The following LPCAT4 variants were observed in gnomAD, a reference collection of about 807,000 sequenced individuals.
LPCAT4 encodes lysophosphatidylcholine acyltransferase 4.
Under a neutral mutation model 66.5 loss-of-function variants are expected in LPCAT4, and 30 were observed. The ratio of observed to expected loss-of-function variants is 0.45; its 90% CI spans 0.34 to 0.61. The LOEUF is 0.61. LPCAT4 is among the 20% of genes least tolerant of loss of function. LPCAT4 has a pLI of 0.01. For missense variants in LPCAT4, 557 were observed against 656.7 expected (o/e 0.85, Z 1.66); for synonymous variants, 253 against 262.1 (o/e 0.97, Z 0.34).
intron 12 of LPCAT4, 152 bp downstream of exon 12, chr15:34,359,959 C>T (rs369683763): frequency 6.6e-5 from 53 of 803,784 alleles, no homozygotes; most frequent in African/African-American, 1.0e-4. Context: ...ACATAGAGGC[C>T]GGGGGTCTGC....
At chr15:34,366,862 C>A (rs1368832666) in intron 1 of LPCAT4, 125 bp downstream of exon 1, 4 of 1,448,234 alleles carry the variant, frequency 2.8e-6, no homozygotes, top group Non-Finnish European at 3.7e-6. Flanking sequence ...CCCCCGGACT[C>A]CCGCTCCGCA....
intron 3 of LPCAT4, 30 bp downstream of exon 3, chr15:34,364,978 C>T (rs759953475): frequency 2.5e-6 from 4 of 1,576,088 alleles, no homozygotes; most frequent in East Asian, 4.5e-5. Context: ...AGTTGTCACC[C>T]TGCCCTTCAC....
chr15:34,365,504 C>T, intron 2 of LPCAT4, 55 bp downstream of exon 2: 1 of 1,607,624 alleles, frequency 6.2e-7, no homozygotes, highest in Non-Finnish European at 8.5e-7. Context: ...AAGAGGGAGC[C>T]GAATAGACAG....
intron 10 of LPCAT4, 65 bp from the exon 11 acceptor site, chr15:34,361,597 A>G: frequency 1.3e-6 from 2 of 1,597,376 alleles, no homozygotes; most frequent in South Asian, 1.1e-5. Context: ...CATCAGCAGG[A>G]CTTCAGCCCC....
At chr15:34,365,508 T>C (rs959498201) in intron 2 of LPCAT4, 51 bp downstream of exon 2, 2 of 1,610,354 alleles carry the variant, frequency 1.2e-6, no homozygotes, top group Non-Finnish European at 1.7e-6. Context: ...GGGAGCCGAA[T>C]AGACAGCAGG....
chr15:34,361,540 G>A lies in LPCAT4; in HGVS notation c.1011-8C>T, dbSNP rs1595618820. On this transcript the variant is annotated splice_polypyrimidine_tract_variant and splice_region_variant and intron_variant, in intron 10 of 13. Transcript: ENST00000314891. ...ACATAGCCAGCGGACAGCCTACGATGGAATTGTTGAAGGCAGAGAGCTGTC... is the reference window on the plus strand; with the variant it reads ...ACATAGCCAGCGGACAGCCTACGATAGAATTGTTGAAGGCAGAGAGCTGTC... 2 of 1,613,000 alleles carry A rather than the reference G, an allele frequency of 1.2e-6. No individual in the cohort carries two copies. The highest frequency in any genetic ancestry group is 1.7e-6 in the Non-Finnish European group (2 of 1,179,982).
At position 34,359,209 on chromosome 15, in the gene LPCAT4, T is replaced by A; in HGVS notation, c.1493A>T (p.Gln498Leu). The change falls in exon 14 of 14, where the codon CAG becomes CTG. Residue 498 changes from glutamine to leucine, a missense_variant. By Grantham distance (113) the Gln-to-Leu change is moderately radical. Around this residue, in one of 4 missense-constraint regions of LPCAT4, gnomAD observed 392 missense variants for 473.9 expected, o/e 0.83. Transcript: ENST00000314891. ...RPPHTSRGTSQTPNASSPGNP... is the reference protein window; with the variant it reads ...RPPHTSRGTSLTPNASSPGNP... ...GCCTGGGGATGAGGCATTTGGTGTC[T>A]GGGAGGTGCCTCGAGAGGTGTGTGG... 1 of 1,600,154 alleles carries A rather than the reference T, an allele frequency of 6.2e-7. No individual in the cohort carries two copies. The highest frequency in any genetic ancestry group is 8.5e-7 in the Non-Finnish European group (1 of 1,173,418).
chr15:34,366,962 C>T, intron 1 of LPCAT4, 25 bp downstream of exon 1: 1 of 1,544,606 alleles, frequency 6.5e-7, no homozygotes, highest in Non-Finnish European at 8.8e-7. Flanking sequence ...ACGGGTCCTT[C>T]CGACGCCCGC....
intron 11 of LPCAT4, 137 bp downstream of exon 11, chr15:34,361,263 G>A: frequency 6.6e-7 from 1 of 1,505,396 alleles, no homozygotes; most frequent in South Asian, 1.3e-5. Context: ...TGGATCTCAG[G>A]GGATGGCCAT....
rs59672328 is a variant in LPCAT4 at position 34,364,669 on chromosome 15, G to C, written c.478+339C>G. ...GGGTTTCTCCATGTTGGTCAGGCTG[G>C]TCTCGAACTCCCGACCTCAGGTGAT... On this transcript the variant is annotated intron_variant, in intron 3 of 13. Coordinates refer to ENST00000314891, the MANE Select transcript of LPCAT4 (RefSeq NM_153613.3). The C allele has an allele frequency of 1.2e-3, 348 of 284,134 alleles. 1 individual carries two copies. Among genetic ancestry groups the C allele is most frequent in the African/African-American group, 7.2e-3 (326 of 45,256 alleles). The allele number at this position is 284,134 out of a possible 1,614,324, so 17.6% of individuals were successfully genotyped here.
At chr15:34,366,938 A>G in intron 1 of LPCAT4, 49 bp downstream of exon 1, 1 of 1,526,832 alleles carries the variant, frequency 6.5e-7, no homozygotes, top group South Asian at 1.2e-5. Context: ...AAATGGCCCC[A>G]TTTTCCTATC....
chr15:34,362,381 G>A lies in LPCAT4; in HGVS notation c.885-60C>T, dbSNP rs560152978. 3.1e-6 allele frequency: 5 copies of A among 1,602,660 alleles called. No individual in the cohort carries two copies. In the Admixed American group the frequency reaches 8.3e-5, roughly 27 times the overall value. On this transcript the variant is annotated intron_variant, in intron 9 of 13. Transcript: ENST00000314891. ...GAAGCAGAAGAAACTTCTGAGGGTT[G>A]GTTCCTGACCCTGGCCCGCTGACTG... is the stretch of plus-strand genomic sequence containing the variant.
At chr15:34,362,962 G>C in intron 7 of LPCAT4, 126 bp from the exon 8 acceptor site, 1 of 888,658 alleles carries the variant, frequency 1.1e-6, no homozygotes, top group South Asian at 1.4e-5. Context: ...TTGATAATAG[G>C]GACAGACTCC....
Position 34,365,688 on chromosome 15 carries a change from C to G in LPCAT4, c.128G>C (p.Gly43Ala). ...RLQRVKFCLL[G>A]ALLAPIRVLL... ...CACTCGGATGGGGGCCAGCAATGCCCCCAGGAGGCAGAACTGCAAAGGGTG... is the reference window on the plus strand; with the variant it reads ...CACTCGGATGGGGGCCAGCAATGCCGCCAGGAGGCAGAACTGCAAAGGGTG... Residue 43 changes from glycine to alanine, a missense_variant, in exon 2 of 14, where the codon GGG becomes GCG. Gly to Ala is a moderately conservative substitution (Grantham distance 60). Coordinates refer to ENST00000314891, the MANE Select transcript of LPCAT4 (RefSeq NM_153613.3). 1.2e-6 allele frequency: 2 copies of G among 1,613,898 alleles called. No individual in the cohort carries two copies. The highest frequency in any genetic ancestry group is 1.7e-6 in the Non-Finnish European group (2 of 1,179,972).
chr15:34,364,547 C>T, intron 3 of LPCAT4: 2 of 372,690 alleles, frequency 5.4e-6, no homozygotes, highest in South Asian at 4.7e-5. Flanking sequence ...CCTCAGCCTC[C>T]CGAGTAGCTG....
At chr15:34,364,414 T>C (rs1289938437) in intron 3 of LPCAT4, 108 bp from the exon 4 acceptor site, 8 of 520,318 alleles carry the variant, frequency 1.5e-5, no homozygotes, top group African/African-American at 8.0e-5. Context: ...GTTATCTCTT[T>C]TTTTTTTTTT....
rs1003669679 is a variant in LPCAT4 at position 34,363,321 on chromosome 15, G to A, written c.746+101C>T. The A allele has an allele frequency of 6.3e-6, 8 of 1,274,740 alleles. No individual in the cohort carries two copies. In the Admixed American group the frequency reaches 1.4e-4, roughly 22 times the overall value. 79.0% of individuals were successfully genotyped at this position (1,274,740 alleles called of 1,614,324 possible). A position where few individuals can be genotyped will look rare whatever the true frequency, so the allele number is the denominator to read the frequency against. On this transcript the variant is annotated intron_variant, in intron 7 of 13. Coordinates refer to ENST00000314891, the MANE Select transcript of LPCAT4 (RefSeq NM_153613.3). The surrounding 1 kb of genome is among the most constrained non-coding windows in gnomAD (Gnocchi z 4.3). Reference sequence around the variant, plus strand: ...TCTAGAGTTCTCTCAGTCCTCAGATGAAGAAGGGCCATTCACCTTGTCGGG... The same window carrying A: ...TCTAGAGTTCTCTCAGTCCTCAGATAAAGAAGGGCCATTCACCTTGTCGGG...
chr15:34,359,887 G>T lies in LPCAT4; in HGVS notation c.1243-142C>A, dbSNP rs1890901308. On this transcript the variant is annotated intron_variant, in intron 12 of 13. Coordinates refer to ENST00000314891, the MANE Select transcript of LPCAT4 (RefSeq NM_153613.3). ...CTGACCCTCCAGTGCCCTTTCTGCA[G>T]AACTGTAGACTTTATAGCTTTTTCC... is the stretch of plus-strand genomic sequence containing the variant. 4.4e-6 allele frequency: 4 copies of T among 902,232 alleles called. No individual in the cohort carries two copies. In the South Asian group the frequency reaches 5.3e-5, roughly 12 times the overall value. 55.9% of individuals were successfully genotyped at this position (902,232 alleles called of 1,614,324 possible).
At position 34,363,795 on chromosome 15, in the gene LPCAT4, G is replaced by A; in HGVS notation, c.653-76C>T. ...AAGTAGCTAGAGGGCATGAGGTATG[G>A]CAGTCTGGGACAGTTCTCAAATGAG... On this transcript the variant is annotated intron_variant, in intron 5 of 13. Transcript: ENST00000314891. This position sits in a 1 kb window ranked among gnomAD's most constrained non-coding sequence, Gnocchi z 4.3. The A allele has an allele frequency of 2.0e-6, 3 of 1,531,608 alleles. No individual in the cohort carries two copies. The highest frequency in any genetic ancestry group is 2.7e-6 in the Non-Finnish European group (3 of 1,105,246). 94.9% of individuals were successfully genotyped at this position (1,531,608 alleles called of 1,614,324 possible).
Sources: allele counts gnomAD v4.1 joint callset, GRCh38; gene constraint gnomAD v4.1.1; regional missense constraint gnomAD v4.1.1; non-coding constraint Gnocchi (gnomAD v3.1); transcripts MANE v1.5; gene names NCBI Gene and HGNC (gene_info 2026-07-23, HGNC 2026-07-21).